The following KDM4C variants were observed in gnomAD, a reference collection of about 807,000 sequenced individuals.
KDM4C encodes the protein lysine demethylase 4C.
Under a neutral mutation model 129.3 loss-of-function variants are expected in KDM4C, and 81 were observed. The observed-to-expected ratio is 0.63, with a 90% CI of 0.52 to 0.75. The LOEUF (loss-of-function observed/expected upper bound fraction) is 0.75, where lower values mean the gene tolerates loss of function less well. Ranked by LOEUF, KDM4C falls within the 30% of genes least tolerant of loss-of-function variation. KDM4C has a pLI of 0.00. For synonymous variants in KDM4C, 573 were observed against 456.1 expected (o/e 1.26, Z -3.26); for missense variants, 1,457 against 1,304.0 (o/e 1.12, Z -1.81).
chr9:7,044,865 G>A (rs921280898), intron 15 of KDM4C, among the ~76,000 whole-genome samples: 2 of 151,942 alleles, frequency 1.3e-5, no homozygotes, highest in Non-Finnish European at 2.9e-5. Context: ...AGAGAAGCCT[G>A]TTAAAGGAAA....
intron 17 of KDM4C, among the ~76,000 whole-genome samples, chr9:7,064,775 C>A (rs1277681560): frequency 6.6e-6 from 1 of 152,018 alleles, no homozygotes; most frequent in African/African-American, 2.4e-5. Context: ...TAACAGAGTG[C>A]TCTTAGGTTA....
At chr9:7,108,581 C>A (rs1193644267) in intron 18 of KDM4C, among the ~76,000 whole-genome samples, 1 of 152,172 alleles carries the variant, frequency 6.6e-6, no homozygotes, top group Non-Finnish European at 1.5e-5. Context: ...AGCTCCCAGG[C>A]CAGTTTTATT....
chr9:6,877,414 G>A (rs1016604905), intron 5 of KDM4C, among the ~76,000 whole-genome samples: 14 of 152,154 alleles, frequency 9.2e-5, no homozygotes, highest in East Asian at 5.8e-4. Flanking sequence ...GTTAGCCAGG[G>A]TGGTCTCGGT....
chr9:6,902,052 G>A (rs1450160045), intron 8 of KDM4C, among the ~76,000 whole-genome samples: 1 of 152,162 alleles, frequency 6.6e-6, no homozygotes, highest in Non-Finnish European at 1.5e-5. Flanking sequence ...GGTTTTTAGG[G>A]AGTTAAATTA....
At chr9:7,055,350 A>G (rs1652399592) in intron 17 of KDM4C, among the ~76,000 whole-genome samples, 1 of 152,238 alleles carries the variant, frequency 6.6e-6, no homozygotes, top group South Asian at 2.1e-4. Flanking sequence ...ATTTTGGAAT[A>G]GCAGGATTTG....
intron 8 of KDM4C, among the ~76,000 whole-genome samples, chr9:6,942,123 C>T (rs1016464242): frequency 5.3e-5 from 8 of 152,034 alleles, no homozygotes; most frequent in South Asian, 2.1e-4. Flanking sequence ...TGGGTTTGAC[C>T]GCATTGTGTT....
intron 5 of KDM4C, among the ~76,000 whole-genome samples, chr9:6,850,972 C>G (rs1321251876): frequency 2.0e-5 from 3 of 151,980 alleles, no homozygotes; most frequent in African/African-American, 4.8e-5. Context: ...CCAGGCTGGT[C>G]TCGAACTCTT....
rs188753358 is a variant in KDM4C, at chr9:6,901,440, C to T, written c.921+8208C>T. Among the ~76,000 whole-genome samples, 476 of 152,318 alleles carry T rather than the reference C, an allele frequency of 3.1e-3. 1 individual carries two copies. The highest frequency in any genetic ancestry group is 5.3e-3 in the Non-Finnish European group (360 of 68,022). ...GCAGCTCAGCAACCTCATGAGGTCT[C>T]ATGCAGTTCCTGTCCTTCAGATTCA... is the stretch of plus-strand genomic sequence containing the variant. On this transcript the variant is annotated intron_variant, in intron 8 of 21. Transcript: ENST00000381309.
intron 19 of KDM4C, among the ~76,000 whole-genome samples, chr9:7,158,337 G>GT (rs1843412649): frequency 6.7e-6 from 1 of 148,848 alleles, no homozygotes; most frequent in Non-Finnish European, 1.5e-5. Flanking sequence ...TTTTTTAAGG[G>GT]TTTTTTGTGT....
intron 20 of KDM4C, among the ~76,000 whole-genome samples, 186 bp from the exon 21 acceptor site, chr9:7,169,612 G>C (rs1844755311): frequency 6.6e-6 from 1 of 152,160 alleles, no homozygotes; most frequent in Admixed American, 6.5e-5. Context: ...GATTACAGGC[G>C]TGAGCCACCA....
chr9:7,035,428 C>T lies in KDM4C; in HGVS notation c.2260-11434C>T, dbSNP rs139293406. ...TGAGTAGTTTGCAAATATTTTTTCCCATTCTGTAGTTCTTCTTTTCACTCT... is the reference window on the plus strand; with the variant it reads ...TGAGTAGTTTGCAAATATTTTTTCCTATTCTGTAGTTCTTCTTTTCACTCT... On this transcript the variant is annotated intron_variant, in intron 15 of 21. Coordinates refer to ENST00000381309, the MANE Select transcript of KDM4C (RefSeq NM_015061.6). 6.8e-3 allele frequency among the ~76,000 whole-genome samples: 1,021 copies of T among 149,216 alleles called. 11 individuals are homozygous for T. Among genetic ancestry groups the T allele is most frequent in the African/African-American group, 0.024 (967 of 40,754 alleles).
At chr9:7,092,272 A>T (rs944163146) in intron 17 of KDM4C, among the ~76,000 whole-genome samples, 12 of 152,144 alleles carry the variant, frequency 7.9e-5, no homozygotes, top group Non-Finnish European at 1.6e-4. Context: ...GCTCAGAGGG[A>T]CATGGTAACC....
chr9:6,821,290 C>G (rs971671227), intron 4 of KDM4C, among the ~76,000 whole-genome samples: 1 of 152,200 alleles, frequency 6.6e-6, no homozygotes, highest in African/African-American at 2.4e-5. Context: ...CTTGAGGAAT[C>G]ACCACACTGT....
At chr9:7,065,384 G>T (rs1318543602) in intron 17 of KDM4C, among the ~76,000 whole-genome samples, 1 of 151,750 alleles carries the variant, frequency 6.6e-6, no homozygotes, top group Non-Finnish European at 1.5e-5. Context: ...CAGGAATAGC[G>T]CTTAAGGTTA....
chr9:7,173,526 GGGAAATAGGTTGGA>G (rs1190005349), intron 21 of KDM4C, among the ~76,000 whole-genome samples: 4 of 152,164 alleles, frequency 2.6e-5, no homozygotes, highest in African/African-American at 9.7e-5. Flanking sequence ...GTGGTACTGT[GGGAAATAGGTTGGA>G]GGTACAGCAT....
chr9:6,862,806 C>G (rs1442448025), intron 5 of KDM4C, among the ~76,000 whole-genome samples: 1 of 134,484 alleles, frequency 7.4e-6, no homozygotes, highest in East Asian at 2.0e-4. Context: ...GACTTTGTCT[C>G]AAAACAAACA....
intron 1 of KDM4C, among the ~76,000 whole-genome samples, chr9:6,740,454 C>T (rs560375712): frequency 7.3e-5 from 11 of 151,602 alleles, no homozygotes; most frequent in African/African-American, 1.9e-4. Context: ...CCGCCCACCT[C>T]GGCCTCCCAA....
chr9:6,805,779 G>A lies in KDM4C; in HGVS notation c.320+5G>A. The A allele has an allele frequency of 6.2e-7, 1 of 1,606,814 alleles. No individual in the cohort carries two copies. The highest frequency in any genetic ancestry group is 8.5e-7 in the Non-Finnish European group (1 of 1,176,724). ...GCAGCTGGCCAACAGTGGCAAGTGA[G>A]TAGAATCAGTTTGCTATTTCTGTTT... On this transcript the variant is annotated splice_donor_5th_base_variant and intron_variant, in intron 3 of 21. Transcript: ENST00000381309.
At chr9:6,792,948 T>C in intron 1 of KDM4C, 24 bp from the exon 2 acceptor site, 1 of 1,612,182 alleles carries the variant, frequency 6.2e-7, no homozygotes, top group Non-Finnish European at 8.5e-7. Flanking sequence ...TTCAGTTCTG[T>C]TGACCCTACT....
Sources: allele counts gnomAD v4.1 joint callset (sites outside exome capture counted in the v4.1 genomes callset), GRCh38; gene constraint gnomAD v4.1.1; transcripts MANE v1.5; gene names NCBI Gene and HGNC (gene_info 2026-07-23, HGNC 2026-07-21).